The following TAS1R2 variants were observed in gnomAD, a reference collection of about 807,000 sequenced individuals.
TAS1R2 encodes taste receptor type 1 member 2.
A neutral mutation model predicts 49.3 loss-of-function variants in TAS1R2; 47 were observed. The observed-to-expected ratio is 0.95, with a 90% CI of 0.75 to 1.22. The LOEUF is 1.22. TAS1R2 is among the 50% of genes most tolerant of loss of function. The probability of loss-of-function intolerance (pLI) is 0.00; values close to 1 mark genes in which losing one functional copy is unlikely to be tolerated. For missense variants in TAS1R2, 1,155 were observed against 1,122.1 expected (o/e 1.03, Z -0.42); for synonymous variants, 479 against 467.9 (o/e 1.02, Z -0.31).
At chr1:18,850,766 G>T (rs1342483875) in intron 3 of TAS1R2, among the ~76,000 whole-genome samples, 1 of 152,224 alleles carries the variant, frequency 6.6e-6, no homozygotes, top group African/African-American at 2.4e-5. Flanking sequence ...GGCACCTTGG[G>T]GTTCCCTCAT....
exon 4 of TAS1R2, chr1:18,849,520 T>G: frequency 6.2e-7 from 1 of 1,613,910 alleles, no homozygotes; most frequent in Non-Finnish European, 8.5e-7. Flanking sequence ...TCCAGGAGAG[T>G]GAAGTTGACC....
Position 18,849,457 on chromosome 1 carries a change from CA to C in TAS1R2, c.1350del (p.Ile450MetfsTer26). ...TGGCTCCGGTCCCATTGCCACTGGA[CA>C]ATCTCCAAGTGCAGAGCCACGTCCC... On this transcript the variant is annotated frameshift_variant, in exon 4 of 6. Coordinates refer to ENST00000375371, the Ensembl canonical transcript of TAS1R2. LOFTEE classifies it high-confidence loss of function. 1.2e-6 allele frequency: 2 copies of C among 1,614,264 alleles called. No individual in the cohort carries two copies. Among genetic ancestry groups the C allele is most frequent in the South Asian group, 2.2e-5 (2 of 91,088 alleles).
At chr1:18,857,750 G>T (rs868136834) in intron 1 of TAS1R2, 119 bp from the exon 2 acceptor site, 2 of 1,179,648 alleles carry the variant, frequency 1.7e-6, no homozygotes, top group African/African-American at 1.5e-5. Context: ...ACTGAGAAGA[G>T]CCACTCCAGA....
chr1:18,841,384 C>CCATT (rs756922245), intron 5 of TAS1R2, among the ~76,000 whole-genome samples: 24 of 152,320 alleles, frequency 1.6e-4, no homozygotes, highest in Admixed American at 7.2e-4. Flanking sequence ...ATTGCAAATA[C>CCATT]CATTCATTCA....
chr1:18,842,803 T>C (rs1181923280), intron 4 of TAS1R2, among the ~76,000 whole-genome samples: 1 of 151,996 alleles, frequency 6.6e-6, no homozygotes, highest in Non-Finnish European at 1.5e-5. Flanking sequence ...AAGGAAGAAA[T>C]GGGGAGTTGT....
At chr1:18,857,376 A>G (rs1046887228) in exon 2 of TAS1R2, 1 of 1,614,110 alleles carries the variant, frequency 6.2e-7, no homozygotes, top group Non-Finnish European at 8.5e-7. Flanking sequence ...CAGTCATGAC[A>G]GACTCGGAGT....
chr1:18,853,418 G>A (rs1934067235), intron 3 of TAS1R2, among the ~76,000 whole-genome samples: 1 of 152,176 alleles, frequency 6.6e-6, no homozygotes, highest in Non-Finnish European at 1.5e-5. Flanking sequence ...GCAAGGTTAG[G>A]ATCTGAGATT....
intron 2 of TAS1R2, 99 bp downstream of exon 2, chr1:18,857,232 A>C (rs1569680869): frequency 7.5e-7 from 1 of 1,335,760 alleles, no homozygotes; most frequent in Non-Finnish European, 1.0e-6. Context: ...TCCTATCATC[A>C]CCTCCCATGA....
chr1:18,849,745 G>A (rs1169543762), intron 3 of TAS1R2, among the ~76,000 whole-genome samples, 195 bp from the exon 4 acceptor site: 2 of 152,240 alleles, frequency 1.3e-5, no homozygotes, highest in Non-Finnish European at 2.9e-5. Context: ...AGACACATCT[G>A]GGTTCAGGCC....
Position 18,849,321 on chromosome 1 carries a change from C to A in TAS1R2, c.1467+20G>T. On this transcript the variant is annotated intron_variant, in intron 4 of 5. Coordinates refer to ENST00000375371, the Ensembl canonical transcript of TAS1R2. The stretch of plus-strand genomic sequence containing the variant: ...AGGCCCCGCCCCAGGCCTGCCCACC[C>A]ACCAGGCCCCCTGGCTGACCGTGTT... The A allele has an allele frequency of 1.9e-6, 3 of 1,612,800 alleles. No homozygotes were observed. Among genetic ancestry groups the A allele is most frequent in the African/African-American group, 1.3e-5 (1 of 75,056 alleles).
intron 4 of TAS1R2, among the ~76,000 whole-genome samples, chr1:18,842,996 A>G (rs974306486): frequency 5.9e-5 from 9 of 152,264 alleles, no homozygotes; most frequent in African/African-American, 1.7e-4. Context: ...TTAATGGGGT[A>G]CAGTGAAAAC....
At chr1:18,857,930 T>C (rs574417662) in intron 1 of TAS1R2, among the ~76,000 whole-genome samples, 4 of 152,116 alleles carry the variant, frequency 2.6e-5, no homozygotes, top group African/African-American at 9.6e-5. Context: ...CATTATCCAC[T>C]AAGACTTCCA....
At position 18,854,241 on chromosome 1, in the gene TAS1R2, C is replaced by A; in HGVS notation, c.1229G>T (p.Cys410Phe). 1 of 1,613,984 alleles carries A rather than the reference C, an allele frequency of 6.2e-7. No homozygotes were observed. Among genetic ancestry groups the A allele is most frequent in the Non-Finnish European group, 8.5e-7 (1 of 1,179,888 alleles). Reference sequence around the variant, plus strand: ...CCAGGGGTAGACCACCCTCTTGGTGCAGGTGCTTTTGTCACAGCCGAGGAG... The same window carrying A: ...CCAGGGGTAGACCACCCTCTTGGTGAAGGTGCTTTTGTCACAGCCGAGGAG... The change falls in exon 3 of 6, where the codon TGC (cysteine) becomes TTC (phenylalanine). Residue 410 changes from cysteine to phenylalanine, a missense_variant. Cys to Phe is a radical substitution (Grantham distance 205, BLOSUM62 -2). Transcript: ENST00000375371. This position sits in a 1 kb window ranked among gnomAD's most constrained non-coding sequence, Gnocchi z 4.9.
chr1:18,843,358 G>A lies in TAS1R2; in HGVS notation c.1468-1506C>T, dbSNP rs1195697091. Among the ~76,000 whole-genome samples the A allele has an allele frequency of 2.0e-5, 3 of 152,330 alleles. No homozygotes were observed. In the East Asian group the frequency reaches 5.8e-4, roughly 29 times the overall value. On this transcript the variant is annotated intron_variant, in intron 4 of 5. Coordinates refer to ENST00000375371, the Ensembl canonical transcript of TAS1R2. ...TTGGGGGTGCTGTTACATTGGTGAT[G>A]TTTTTAGGAGGCCAAAGGTACAGAG...
chr1:18,849,230 A>T, intron 4 of TAS1R2, 111 bp downstream of exon 4: 1 of 1,142,284 alleles, frequency 8.8e-7, no homozygotes, highest in South Asian at 1.5e-5. Flanking sequence ...CCCCCCAGAG[A>T]TTGATAAAGC....
At chr1:18,845,464 C>G (rs1400539629) in intron 4 of TAS1R2, among the ~76,000 whole-genome samples, 1 of 152,194 alleles carries the variant, frequency 6.6e-6, no homozygotes, top group East Asian at 1.9e-4. Flanking sequence ...CTCAGGAACC[C>G]ATTGCAGCAT....
At chr1:18,847,910 T>C (rs1009334522) in intron 4 of TAS1R2, among the ~76,000 whole-genome samples, 1 of 152,232 alleles carries the variant, frequency 6.6e-6, no homozygotes. Context: ...AAGTCACGTC[T>C]TAAATGGATA....
Position 18,854,664 on chromosome 1 carries a change from G to T in TAS1R2, c.806C>A (p.Ala269Glu), listed in dbSNP as rs375347091. The T allele has an allele frequency of 8.7e-6, 14 of 1,613,820 alleles. No individual in the cohort carries two copies. The highest frequency in any genetic ancestry group is 9.3e-6 in the Non-Finnish European group (11 of 1,179,962). The change falls in exon 3 of 6, where the codon GCG becomes GAG. Residue 269 changes from alanine (A) to glutamate (E), a missense_variant. Transcript: ENST00000375371. The surrounding 1 kb of genome is among the most constrained non-coding windows in gnomAD (Gnocchi z 4.9). ...GGGCGAGAACACGACCACGACGCGCGCTGTGCTCTGCTGCAGCTTGTCCAC... is the reference window on the plus strand; with the variant it reads ...GGGCGAGAACACGACCACGACGCGCTCTGTGCTCTGCTGCAGCTTGTCCAC...
intron 4 of TAS1R2, among the ~76,000 whole-genome samples, chr1:18,845,312 A>C (rs1933897191): frequency 6.6e-6 from 1 of 152,210 alleles, no homozygotes; most frequent in Non-Finnish European, 1.5e-5. Flanking sequence ...CTAAGGTACC[A>C]TCTTCAGGAC....
Sources: gnomAD v4.1 joint callset for allele counts (sites outside exome capture counted in the v4.1 genomes callset) on GRCh38, gnomAD v4.1.1 for gene constraint, Gnocchi (gnomAD v3.1) non-coding constraint, MANE v1.5 for transcripts, NCBI Gene and HGNC (gene_info 2026-07-23, HGNC 2026-07-21) for gene names.